Variants in CFAP46 observed in about 807,000 individuals in gnomAD.
CFAP46 encodes the protein cilia- and flagella-associated protein 46.
In CFAP46, 245 loss-of-function variants were observed where a neutral mutation model predicts 325.7. That is an observed-to-expected ratio of 0.75 (90% CI 0.68 to 0.84). The LOEUF (loss-of-function observed/expected upper bound fraction) is 0.84. Among genes scored for constraint, CFAP46 ranks in the 40% least tolerant of loss-of-function variants. CFAP46 has a pLI of 0.00. For synonymous variants in CFAP46, 1,523 were observed against 1,495.9 expected (o/e 1.02, Z -0.42); for missense variants, 3,346 against 3,543.0 (o/e 0.94, Z 1.41).
In CFAP46 at chr10:132,811,001, G is replaced by A. The variant is rs758576218; in HGVS notation, c.7532C>T (p.Ala2511Val). The A allele has an allele frequency of 7.5e-6, 12 of 1,604,320 alleles. No homozygotes were observed. The highest frequency in any genetic ancestry group is 1.7e-5 in the Admixed American group (1 of 59,174). Residue 2511 changes from alanine (A) to valine (V), a missense_variant, in exon 56 of 58, where the codon GCG becomes GTG. Ala to Val is a moderately conservative substitution (Grantham distance 64, BLOSUM62 0). Transcript: ENST00000368586. The part of the protein sequence containing the change: ...ECQVAVLLDL[A>V]RSYQSLKRHM... ...CCTCTTCAAGCTCTGGTAGGACCGC[G>A]CCAGGTCCAGCAGGACTGCCACCTG...
At chr10:132,820,168 CAGCCTT>C (rs1455342894) in intron 50 of CFAP46, among the ~76,000 whole-genome samples, 1 of 152,276 alleles carries the variant, frequency 6.6e-6, no homozygotes, top group Admixed American at 6.5e-5. Context: ...GAGCAGGTCT[CAGCCTT>C]AGCAAGATGA....
intron 22 of CFAP46, among the ~76,000 whole-genome samples, chr10:132,900,066 A>G (rs1409653573): frequency 2.0e-5 from 3 of 151,926 alleles, no homozygotes; most frequent in South Asian, 4.2e-4. Context: ...CTTATGAGCG[A>G]CCCCAACCCA....
intron 32 of CFAP46, among the ~76,000 whole-genome samples, chr10:132,871,745 T>G (rs768285816): frequency 9.9e-5 from 15 of 152,248 alleles, no homozygotes; most frequent in Non-Finnish European, 2.2e-4. Flanking sequence ...AGATGGGATC[T>G]GCTCCTGGTA....
At chr10:132,860,211 G>T (rs1488648846) in intron 37 of CFAP46, among the ~76,000 whole-genome samples, 1 of 152,232 alleles carries the variant, frequency 6.6e-6, no homozygotes, top group South Asian at 2.1e-4. Flanking sequence ...CATGTGGATG[G>T]AAGGTCCACT....
chr10:132,808,830 A>G lies in CFAP46; in HGVS notation c.7739T>C (p.Leu2580Pro). The change falls in exon 58 of 58, where the codon CTT (leucine) becomes CCT (proline). Residue 2580 changes from leucine to proline, a missense_variant. By Grantham distance (98) the Leu-to-Pro change is moderately conservative. Coordinates refer to ENST00000368586, the MANE Select transcript of CFAP46 (RefSeq NM_001200049.3). This position sits in a 1 kb window ranked among gnomAD's most constrained non-coding sequence, Gnocchi z 6.8. ...TGGTGCGGCAGCCCATACAGGACCA[A>G]GTTGAGCGTGGTGGGAAGGAGCTCG... ...KLRAPSHHAQ[L>P]GPVWAAAPSH... 1 of 1,607,204 alleles carries G rather than the reference A, an allele frequency of 6.2e-7. No homozygotes were observed. The highest frequency in any genetic ancestry group is 8.5e-7 in the Non-Finnish European group (1 of 1,175,760).
Position 132,919,261 on chromosome 10 carries a change from C to T in CFAP46, c.1858+54G>A, listed in dbSNP as rs2135590423. On this transcript the variant is annotated intron_variant, in intron 15 of 57. Transcript: ENST00000368586. The surrounding 1 kb of genome is among the most constrained non-coding windows in gnomAD (Gnocchi z 9.7). The stretch of plus-strand genomic sequence containing the variant: ...TGCACGAACCACAACCCTTCCCACA[C>T]CCAGAGGGCGGCCGTGGCCAGGCTG... 6.6e-7 allele frequency: 1 copy of T among 1,514,496 alleles called. No individual in the cohort carries two copies. The highest frequency in any genetic ancestry group is 8.9e-7 in the Non-Finnish European group (1 of 1,127,358). 93.8% of individuals were successfully genotyped at this position (1,514,496 alleles called of 1,614,324 possible).
rs1025538173 is a variant in CFAP46, at chr10:132,889,307, G to A, written c.3304+3026C>T. On this transcript the variant is annotated intron_variant, in intron 25 of 57. Transcript: ENST00000368586. The surrounding 1 kb of genome is among the most constrained non-coding windows in gnomAD (Gnocchi z 6.0). ...TCATGAGACTGCATTCTCCAGAGCC[G>A]ACCGGCTGGGTCTAGGGAGCAGAGG... Among the ~76,000 whole-genome samples the A allele has an allele frequency of 1.3e-5, 2 of 152,168 alleles. No individual in the cohort carries two copies. Among genetic ancestry groups the A allele is most frequent in the Non-Finnish European group, 2.9e-5 (2 of 68,042 alleles).
At position 132,880,780 on chromosome 10, in the gene CFAP46, C is replaced by A; in HGVS notation, c.3799+81G>T. On this transcript the variant is annotated intron_variant, in intron 28 of 57. Transcript: ENST00000368586. Reference sequence around the variant, plus strand: ...CCTGCACAGACACATGGATACCCAACGGCGGTCCAGATCACGGAGCAGGAA... The same window carrying A: ...CCTGCACAGACACATGGATACCCAAAGGCGGTCCAGATCACGGAGCAGGAA... 4 of 1,464,202 alleles carry A rather than the reference C, an allele frequency of 2.7e-6. 1 individual carries two copies. Among genetic ancestry groups the A allele is most frequent in the Non-Finnish European group, 3.7e-6 (4 of 1,094,294 alleles). The allele number at this position is 1,464,202 out of a possible 1,614,324, so 90.7% of individuals were successfully genotyped here.
At chr10:132,904,076 T>C (rs992962931) in intron 22 of CFAP46, among the ~76,000 whole-genome samples, 1 of 152,256 alleles carries the variant, frequency 6.6e-6, no homozygotes, top group Non-Finnish European at 1.5e-5. Flanking sequence ...AAAGCTACTC[T>C]GTGGCAAATT....
rs973650052 is a variant in CFAP46, at chr10:132,828,765, G to C, written c.7117+4593C>G. ...TCGAGCTGATTTTCCTGCGTGGCGTGCGGCCTCGTTTTTGTTGTGTTTCGT... is the reference window on the plus strand; with the variant it reads ...TCGAGCTGATTTTCCTGCGTGGCGTCCGGCCTCGTTTTTGTTGTGTTTCGT... On this transcript the variant is annotated intron_variant, in intron 50 of 57. Transcript: ENST00000368586. The surrounding 1 kb of genome is among the most constrained non-coding windows in gnomAD (Gnocchi z 4.9). Among the ~76,000 whole-genome samples, 1 of 152,154 alleles carries C rather than the reference G, an allele frequency of 6.6e-6. No individual in the cohort carries two copies. Among genetic ancestry groups the C allele is most frequent in the South Asian group, 2.1e-4 (1 of 4,822 alleles).
At position 132,869,390 on chromosome 10, in the gene CFAP46, G is replaced by T. The variant is rs1305762974; in HGVS notation, c.4512-18C>A. ...GGGCGAGGCTGTGGGGAGTGTGGCC[G>T]AAAGAGTCAGTGTTGCACGGGCGCA... On this transcript the variant is annotated intron_variant, in intron 32 of 57. Transcript: ENST00000368586. This position sits in a 1 kb window ranked among gnomAD's most constrained non-coding sequence, Gnocchi z 6.2. The T allele has an allele frequency of 1.3e-6, 2 of 1,511,850 alleles. No individual in the cohort carries two copies. The highest frequency in any genetic ancestry group is 1.8e-6 in the Non-Finnish European group (2 of 1,128,838). 93.7% of individuals were successfully genotyped at this position (1,511,850 alleles called of 1,614,324 possible). A position where few individuals can be genotyped will look rare whatever the true frequency, so the allele number is the denominator to read the frequency against.
chr10:132,941,607 T>A lies in CFAP46; in HGVS notation c.290A>T (p.Lys97Met). 1 of 1,613,308 alleles carries A rather than the reference T, an allele frequency of 6.2e-7. No individual in the cohort carries two copies. The highest frequency in any genetic ancestry group is 8.5e-7 in the Non-Finnish European group (1 of 1,179,616). ...GCCTCTCACCAGGTTTTCTGCCGAC[T>A]TCGGGGCACACATCTGGGCCCTGCA... ...HLCRAQMCAP[K>M]SAENLEEFEN... The change falls in exon 3 of 58, where the codon AAG (lysine) becomes ATG (methionine). Residue 97 changes from lysine to methionine, a missense_variant. Physicochemically the swap from Lys to Met is moderately conservative, Grantham distance 95 (BLOSUM62 -1). Transcript: ENST00000368586.
At chr10:132,940,543 TG>T (rs989936213) in intron 4 of CFAP46, among the ~76,000 whole-genome samples, 2 of 150,846 alleles carry the variant, frequency 1.3e-5, no homozygotes, top group African/African-American at 4.9e-5. Context: ...GAAGGCGCCC[TG>T]GGGGTGCGCC....
intron 9 of CFAP46, among the ~76,000 whole-genome samples, chr10:132,927,100 G>C (rs766376832): frequency 7.9e-5 from 12 of 152,228 alleles, no homozygotes; most frequent in Non-Finnish European, 1.6e-4. Context: ...CCAGGCCTCG[G>C]TGGCCTTACA....
intron 20 of CFAP46, among the ~76,000 whole-genome samples, 191 bp downstream of exon 20, chr10:132,909,728 G>A (rs1397948282): frequency 2.0e-5 from 3 of 152,242 alleles, no homozygotes; most frequent in East Asian, 1.9e-4. Context: ...CGGGTGGGCA[G>A]AGGAGGCCCC....
rs574812224 is a variant in CFAP46 at position 132,834,057 on chromosome 10, C to T, written c.6933G>A (p.Thr2311=). ...CCCACTCACTGTGTTGTCCTGTGGA[C>T]GTTTTCCTCTCCTTGTCTTTGCCCT... ...KSKGKDKERK[T]STGQHSTVQP... is the part of the protein sequence containing the mutation. Residue 2311 remains threonine (T), a synonymous_variant, in exon 49 of 58, where the codon ACG becomes ACA. Coordinates refer to ENST00000368586, the MANE Select transcript of CFAP46 (RefSeq NM_001200049.3). The T allele has an allele frequency of 8.1e-6, 13 of 1,614,034 alleles. No individual in the cohort carries two copies. Among genetic ancestry groups the T allele is most frequent in the East Asian group, 2.2e-5 (1 of 44,876 alleles).
intron 24 of CFAP46, 126 bp downstream of exon 24, chr10:132,898,833 T>G (rs1215368373): frequency 1.8e-5 from 23 of 1,288,110 alleles, no homozygotes; most frequent in Non-Finnish European, 2.5e-5. Context: ...CCTCCTCGGC[T>G]GGTGCTGGTG....
intron 7 of CFAP46, among the ~76,000 whole-genome samples, chr10:132,936,187 C>A (rs571027287): frequency 8.3e-6 from 1 of 119,866 alleles, no homozygotes; most frequent in African/African-American, 3.2e-5. Context: ...TCACTCCCCT[C>A]AGCCCCCAAA....
chr10:132,835,334 G>A lies in CFAP46; in HGVS notation c.6714C>T (p.Tyr2238=). 1.2e-6 allele frequency: 2 copies of A among 1,613,576 alleles called. No individual in the cohort carries two copies. Among genetic ancestry groups the A allele is most frequent in the Non-Finnish European group, 1.7e-6 (2 of 1,179,938 alleles). ...CTATGTTCAGGGCCATGTCCTCACT[G>A]TACACCTGGGCCTGGGTCTGCTTCC... ...QFRKQTQAQV[Y]SEDMALNIGS... The change falls in exon 47 of 58, where the codon TAC becomes TAT. Residue 2238 remains tyrosine (Y), a synonymous_variant. Coordinates refer to ENST00000368586, the MANE Select transcript of CFAP46 (RefSeq NM_001200049.3).
Sources: gnomAD v4.1 joint callset for allele counts (sites outside exome capture counted in the v4.1 genomes callset) on GRCh38, gnomAD v4.1.1 for gene constraint, Gnocchi (gnomAD v3.1) non-coding constraint, MANE v1.5 for transcripts, NCBI Gene and HGNC (gene_info 2026-07-23, HGNC 2026-07-21) for gene names.